TSNARE1: variants seen among roughly 807,000 people sequenced by gnomAD.
The protein encoded by TSNARE1 is t-SNARE domain-containing protein 1.
Under a neutral mutation model 62.0 loss-of-function variants are expected in TSNARE1, and 49 were observed. The observed-to-expected ratio is 0.79, with a 90% confidence interval of 0.63 to 1.00. The LOEUF is 1.00. TSNARE1 is among the 50% of genes least tolerant of loss of function. The probability of loss-of-function intolerance (pLI) is 0.00; values close to 1 mark genes in which losing one functional copy is unlikely to be tolerated. For synonymous variants in TSNARE1, 328 were observed against 294.4 expected (o/e 1.11, Z -1.17); for missense variants, 755 against 700.1 (o/e 1.08, Z -0.88).
intron 6 of TSNARE1, among the ~76,000 whole-genome samples, chr8:142,320,532 C>T (rs958280079): frequency 1.4e-4 from 22 of 152,116 alleles, no homozygotes; most frequent in African/African-American, 4.8e-4. Flanking sequence ...AGGTTCTAGG[C>T]CCACGTGGGT....
chr8:142,275,001 G>A, intron 11 of TSNARE1, 138 bp from the exon 12 acceptor site: 4 of 1,376,148 alleles, frequency 2.9e-6, no homozygotes, highest in Non-Finnish European at 3.8e-6. Context: ...ATGGGCGCTG[G>A]GCTGCCAGAC....
intron 12 of TSNARE1, among the ~76,000 whole-genome samples, chr8:142,233,776 G>T (rs1428970719): frequency 6.6e-6 from 1 of 152,130 alleles, no homozygotes; most frequent in Non-Finnish European, 1.5e-5. Context: ...CTGCCTGCTG[G>T]CTCTTCATCA....
intron 13 of TSNARE1, among the ~76,000 whole-genome samples, chr8:142,213,371 C>T (rs1815669071): frequency 6.7e-6 from 1 of 149,140 alleles, no homozygotes; most frequent in Admixed American, 6.7e-5. Context: ...CATCACGTGC[C>T]CCTCTAGCCT....
Position 142,344,375 on chromosome 8 carries a change from C to T in TSNARE1, c.336G>A (p.Arg112=). The T allele has an allele frequency of 6.4e-7, 1 of 1,573,232 alleles. No individual in the cohort carries two copies. Among genetic ancestry groups the T allele is most frequent in the East Asian group, 2.3e-5 (1 of 43,566 alleles). The change falls in exon 4 of 14, where the codon CGG becomes CGA. Residue 112 remains arginine (R), a synonymous_variant. Transcript: ENST00000524325. ...RKDSAAGPHG[R]MAGPSTTRAK... ...CCCGGGTAGTGCTGGGCCCCGCCATCCGGCCATGGGGCCCAGCAGCCGAGT... is the reference window on the plus strand; with the variant it reads ...CCCGGGTAGTGCTGGGCCCCGCCATTCGGCCATGGGGCCCAGCAGCCGAGT...
intron 6 of TSNARE1, among the ~76,000 whole-genome samples, chr8:142,327,346 C>T (rs1586826465): frequency 6.6e-6 from 1 of 151,840 alleles, no homozygotes; most frequent in African/African-American, 2.4e-5. Flanking sequence ...CGAATGGGTC[C>T]GTCCTTACAG....
At chr8:142,338,483 G>GGACCACTGGGCAAGCTGACAGGCCGCCTC (rs1832088981) in intron 4 of TSNARE1, among the ~76,000 whole-genome samples, 1 of 147,090 alleles carries the variant, frequency 6.8e-6, no homozygotes, top group African/African-American at 2.5e-5. Context: ...CTGGCTGCCT[G>GGACCACTGGGCAAGCTGACAGGCCGCCTC]GACCACTGGG....
chr8:142,230,175 A>G (rs904676073), intron 12 of TSNARE1, among the ~76,000 whole-genome samples: 2 of 152,248 alleles, frequency 1.3e-5, no homozygotes, highest in African/African-American at 4.8e-5. Flanking sequence ...TGAAGGCTTC[A>G]TGTAGAAGGC....
At chr8:142,235,132 G>A (rs769957920) in intron 12 of TSNARE1, among the ~76,000 whole-genome samples, 10 of 152,290 alleles carry the variant, frequency 6.6e-5, no homozygotes, top group Admixed American at 3.3e-4. Flanking sequence ...AGGGGAACCT[G>A]CCTGCACTGA....
intron 12 of TSNARE1, among the ~76,000 whole-genome samples, chr8:142,254,664 A>AG (rs1214593643): frequency 1.1e-4 from 16 of 152,050 alleles, no homozygotes; most frequent in Non-Finnish European, 2.1e-4. Context: ...CATATGGGGA[A>AG]GGCGGGGCAT....
chr8:142,223,473 A>G (rs796516593), intron 13 of TSNARE1, among the ~76,000 whole-genome samples: 2 of 78,620 alleles, frequency 2.5e-5, no homozygotes, highest in South Asian at 7.9e-4. Flanking sequence ...CTCATTCACT[A>G]ACTCATCCAC....
intron 12 of TSNARE1, among the ~76,000 whole-genome samples, chr8:142,247,164 C>G (rs557901363): frequency 6.6e-6 from 1 of 152,142 alleles, no homozygotes; most frequent in Non-Finnish European, 1.5e-5. Context: ...TGCCCACCGC[C>G]GAGACTCCAG....
At chr8:142,352,668 C>T (rs981356461) in intron 2 of TSNARE1, among the ~76,000 whole-genome samples, 2 of 152,244 alleles carry the variant, frequency 1.3e-5, no homozygotes, top group African/African-American at 4.8e-5. Context: ...AAAAGCAGCA[C>T]GACACGGAGC....
intron 13 of TSNARE1, among the ~76,000 whole-genome samples, chr8:142,223,446 A>G (rs1398709559): frequency 1.3e-5 from 1 of 74,142 alleles, no homozygotes; most frequent in Non-Finnish European, 2.8e-5. Flanking sequence ...TCACTAATTC[A>G]CTCATTCGCT....
At chr8:142,230,118 A>C (rs1817031668) in intron 12 of TSNARE1, among the ~76,000 whole-genome samples, 1 of 152,314 alleles carries the variant, frequency 6.6e-6, no homozygotes. Flanking sequence ...GGTCTCATGG[A>C]AGAGAAAGAC....
intron 11 of TSNARE1, chr8:142,280,083 C>A (rs1034734469): frequency 1.6e-5 from 19 of 1,203,020 alleles, no homozygotes; most frequent in African/African-American, 1.3e-4. Flanking sequence ...TGCGGCTCCA[C>A]ACGCGGTGCT....
At chr8:142,312,466 T>C (rs1459381618) in intron 9 of TSNARE1, among the ~76,000 whole-genome samples, 1 of 152,154 alleles carries the variant, frequency 6.6e-6, no homozygotes, top group African/African-American at 2.4e-5. Flanking sequence ...GGCTATACTT[T>C]AGGTTTGGTT....
intron 7 of TSNARE1, among the ~76,000 whole-genome samples, chr8:142,315,941 T>C (rs975358771): frequency 1.3e-5 from 2 of 152,216 alleles, no homozygotes; most frequent in African/African-American, 4.8e-5. Flanking sequence ...TGGTAGGCAC[T>C]GACCGTGCAC....
intron 13 of TSNARE1, among the ~76,000 whole-genome samples, chr8:142,219,226 A>G (rs1816089121): frequency 6.6e-6 from 1 of 152,026 alleles, no homozygotes; most frequent in African/African-American, 2.4e-5. Context: ...CTTCCATATC[A>G]TGCTGGGGTC....
chr8:142,314,356 C>T lies in TSNARE1; in HGVS notation c.1131+28G>A. 1.9e-6 allele frequency: 3 copies of T among 1,609,470 alleles called. No individual in the cohort carries two copies. In the South Asian group the frequency reaches 3.3e-5, roughly 18 times the overall value. On this transcript the variant is annotated intron_variant, in intron 9 of 13. Transcript: ENST00000524325. ...ATTCTGGGCTGTCCCCTAACAGCCA[C>T]TGACCATGGTCAGTACTCGGCACCC...
Sources: allele counts gnomAD v4.1 joint callset (sites outside exome capture counted in the v4.1 genomes callset), GRCh38; gene constraint gnomAD v4.1.1; transcripts MANE v1.5; gene names NCBI Gene and HGNC (gene_info 2026-07-23, HGNC 2026-07-21).